NKAIN2: variants seen among roughly 807,000 people sequenced by gnomAD.
The protein encoded by NKAIN2 is sodium/potassium transporting ATPase interacting 2.
NKAIN2 carries 14 observed loss-of-function variants against 32.6 expected under a neutral mutation model. The ratio of observed to expected loss-of-function variants is 0.43; its 90% CI spans 0.28 to 0.67. The LOEUF (loss-of-function observed/expected upper bound fraction) is 0.67. NKAIN2 is among the 30% of genes least tolerant of loss of function. The probability of loss-of-function intolerance (pLI) is 0.17; values close to 1 mark genes in which losing one functional copy is unlikely to be tolerated. For synonymous variants in NKAIN2, 80 were observed against 87.2 expected, an observed-to-expected ratio of 0.92 and a Z score of 0.46; for missense variants, 198 against 258.3, an observed-to-expected ratio of 0.77 and a Z score of 1.60.
In NKAIN2 at chr6:124,447,749, A is replaced by G. The variant is rs558466483; in HGVS notation, c.273+92402A>G. Among the ~76,000 whole-genome samples, 3 of 152,248 alleles carry G rather than the reference A, an allele frequency of 2.0e-5. No homozygotes were observed. The South Asian group carries it at 6.2e-4, about 32-fold the overall frequency. ...GCATCCCATCTCTGCAGGGCATAGTAACCGTGGAAGCTTCTCCAGGACTGA... is the reference window on the plus strand; with the variant it reads ...GCATCCCATCTCTGCAGGGCATAGTGACCGTGGAAGCTTCTCCAGGACTGA... On this transcript the variant is annotated intron_variant, in intron 3 of 6. Transcript: ENST00000368417.
chr6:123,846,145 C>G lies in NKAIN2; in HGVS notation c.54+41891C>G, dbSNP rs77165847. ...CCCTATTAAAGTGTTAAACTTGGAGCAGCACTCAGTGTGTATATGCTGAGT... is the reference window on the plus strand; with the variant it reads ...CCCTATTAAAGTGTTAAACTTGGAGGAGCACTCAGTGTGTATATGCTGAGT... On this transcript the variant is annotated intron_variant, in intron 1 of 6. Coordinates refer to ENST00000368417, the MANE Select transcript of NKAIN2 (RefSeq NM_001040214.3). 6.1e-3 allele frequency among the ~76,000 whole-genome samples: 931 copies of G among 152,254 alleles called. 8 individuals carry two copies. Among genetic ancestry groups the G allele is most frequent in the East Asian group, 0.021 (111 of 5,166 alleles).
chr6:124,766,321 C>T (rs537145154), intron 4 of NKAIN2, among the ~76,000 whole-genome samples: 7 of 152,168 alleles, frequency 4.6e-5, no homozygotes, highest in African/African-American at 1.4e-4. Flanking sequence ...CCAAAATGAG[C>T]GGAAGAGGAC....
chr6:124,333,682 A>AATAAATAC (rs1554283503), intron 2 of NKAIN2, among the ~76,000 whole-genome samples: 6 of 150,860 alleles, frequency 4.0e-5, no homozygotes, highest in South Asian at 2.1e-4. Context: ...TAAATAAATA[A>AATAAATAC]ATACATAAAT....
chr6:124,142,280 T>C (rs993166691), intron 1 of NKAIN2, among the ~76,000 whole-genome samples: 3 of 152,240 alleles, frequency 2.0e-5, no homozygotes, highest in Non-Finnish European at 2.9e-5. Context: ...AGAAAAACTC[T>C]ACATATTCAT....
chr6:124,050,679 G>A (rs1442626450), intron 1 of NKAIN2, among the ~76,000 whole-genome samples: 1 of 151,970 alleles, frequency 6.6e-6, no homozygotes, highest in Non-Finnish European at 1.5e-5. Context: ...AAAAAGAAAA[G>A]CTAAATTTAT....
chr6:123,807,644 G>GA (rs1266354628), intron 1 of NKAIN2, among the ~76,000 whole-genome samples: 2 of 152,030 alleles, frequency 1.3e-5, no homozygotes, highest in African/African-American at 2.4e-5. Context: ...CTCTCAGTGT[G>GA]AAAAAATACG....
chr6:124,732,087 T>G (rs1335459030), intron 4 of NKAIN2, among the ~76,000 whole-genome samples: 1 of 152,048 alleles, frequency 6.6e-6, no homozygotes, highest in Non-Finnish European at 1.5e-5. Context: ...CTCCATTTAT[T>G]AAAGAATTTA....
intron 1 of NKAIN2, among the ~76,000 whole-genome samples, chr6:123,944,207 A>G (rs1344385313): frequency 2.0e-5 from 3 of 152,090 alleles, no homozygotes; most frequent in Admixed American, 1.3e-4. Flanking sequence ...GCAAAACTAG[A>G]TAGCCTTGTC....
chr6:124,432,290 G>A (rs1255742850), intron 3 of NKAIN2, among the ~76,000 whole-genome samples: 1 of 152,140 alleles, frequency 6.6e-6, no homozygotes, highest in East Asian at 1.9e-4. Context: ...TCACAGGCAG[G>A]CAACATGGGC....
At chr6:123,903,953 C>A (rs377524958) in intron 1 of NKAIN2, among the ~76,000 whole-genome samples, 1 of 150,418 alleles carries the variant, frequency 6.6e-6, no homozygotes. Context: ...ATTGGCCGGG[C>A]GTGGTGGCTC....
At chr6:124,383,860 C>T (rs1772763822) in intron 3 of NKAIN2, among the ~76,000 whole-genome samples, 1 of 152,162 alleles carries the variant, frequency 6.6e-6, no homozygotes, top group Non-Finnish European at 1.5e-5. Flanking sequence ...GGACCATCAA[C>T]TAGCTTGGCT....
intron 2 of NKAIN2, among the ~76,000 whole-genome samples, chr6:124,322,582 C>A (rs1797243256): frequency 1.3e-5 from 2 of 152,266 alleles, no homozygotes; most frequent in South Asian, 4.1e-4. Context: ...TTAATTTATT[C>A]TTCATATCTA....
chr6:123,815,987 A>G (rs1326029737), intron 1 of NKAIN2, among the ~76,000 whole-genome samples: 1 of 152,162 alleles, frequency 6.6e-6, no homozygotes, highest in East Asian at 1.9e-4. Flanking sequence ...AATAAAATAC[A>G]AAGGAAATTT....
chr6:124,677,070 G>T (rs1214129113), intron 4 of NKAIN2, among the ~76,000 whole-genome samples: 1 of 152,058 alleles, frequency 6.6e-6, no homozygotes, highest in Non-Finnish European at 1.5e-5. Flanking sequence ...CTGGGTTCAA[G>T]CAATTCTCCT....
chr6:124,070,119 G>A lies in NKAIN2; in HGVS notation c.55-212886G>A, dbSNP rs532686650. The stretch of plus-strand genomic sequence containing the variant: ...CTTTGCAGTTAAAAGTTTACATCTT[G>A]TTTGTATCTTCTCATCTATAGCAGT... On this transcript the variant is annotated intron_variant, in intron 1 of 6. Transcript: ENST00000368417. Among the ~76,000 whole-genome samples, 11 of 152,234 alleles carry A rather than the reference G, an allele frequency of 7.2e-5. No individual in the cohort carries two copies. The East Asian group carries it at 2.1e-3, about 29-fold the overall frequency.
chr6:124,694,411 C>G (rs1774397338), intron 4 of NKAIN2, among the ~76,000 whole-genome samples: 1 of 152,206 alleles, frequency 6.6e-6, no homozygotes, highest in African/African-American at 2.4e-5. Flanking sequence ...TGTTATTTAC[C>G]AATTGGAACC....
intron 4 of NKAIN2, among the ~76,000 whole-genome samples, chr6:124,767,974 A>G (rs546780529): frequency 6.6e-6 from 1 of 152,196 alleles, no homozygotes; most frequent in Non-Finnish European, 1.5e-5. Context: ...ATAGTTTTAC[A>G]TCATATCATG....
chr6:124,714,843 C>T (rs890403909), intron 4 of NKAIN2, among the ~76,000 whole-genome samples: 9 of 152,210 alleles, frequency 5.9e-5, no homozygotes, highest in East Asian at 1.9e-4. Flanking sequence ...TTCCAAGAAA[C>T]GGAGGCTCTG....
chr6:124,434,903 T>C (rs1042442850), intron 3 of NKAIN2, among the ~76,000 whole-genome samples: 4 of 152,146 alleles, frequency 2.6e-5, no homozygotes, highest in Non-Finnish European at 5.9e-5. Context: ...GCTAAGACAA[T>C]ACAAATTTTG....
Sources: gnomAD v4.1 joint callset for allele counts (sites outside exome capture counted in the v4.1 genomes callset) on GRCh38, gnomAD v4.1.1 for gene constraint, MANE v1.5 for transcripts, NCBI Gene and HGNC (gene_info 2026-07-23, HGNC 2026-07-21) for gene names.